Variants in EYA4 observed in about 807,000 individuals in gnomAD.
EYA4 encodes EYA transcriptional coactivator and phosphatase 4, also known as protein phosphatase EYA4.
Under a neutral mutation model 87.9 loss-of-function variants are expected in EYA4, and 31 were observed. The observed-to-expected ratio is 0.35, with a 90% CI of 0.27 to 0.48. EYA4 has a LOEUF of 0.48. Among genes scored for constraint, EYA4 ranks in the 20% least tolerant of loss-of-function variants. The pLI is 0.99. For missense variants in EYA4, 678 were observed against 761.4 expected (o/e 0.89, Z 1.29); for synonymous variants, 263 against 270.6 (o/e 0.97, Z 0.28).
At chr6:133,525,503 T>C (rs1583568910) in intron 19 of EYA4, among the ~76,000 whole-genome samples, 2 of 152,250 alleles carry the variant, frequency 1.3e-5, no homozygotes, top group African/African-American at 4.8e-5. Context: ...AGTATATACA[T>C]ATAGTAAATA....
intron 14 of EYA4, among the ~76,000 whole-genome samples, chr6:133,512,398 G>A (rs1247557146): frequency 3.9e-5 from 6 of 152,100 alleles, no homozygotes; most frequent in Non-Finnish European, 5.9e-5. Flanking sequence ...TGGCCTGGAA[G>A]GGAACTCAAA....
chr6:133,520,420 A>G lies in EYA4; in HGVS notation c.1617-2636A>G, dbSNP rs370021355. ...AGAGAATAAAATACCTAGGAATCCA[A>G]CTTACAAGGGATGTGAAGGACCTCT... On this transcript the variant is annotated intron_variant, in intron 17 of 19. Transcript: ENST00000355286. 9.5e-5 allele frequency among the ~76,000 whole-genome samples: 11 copies of G among 115,688 alleles called. No homozygotes were observed. The East Asian group carries it at 2.6e-3, about 27-fold the overall frequency. The allele number at this position is 115,688 out of a possible 152,430, so 75.9% of individuals were successfully genotyped here.
chr6:133,411,615 G>A (rs937081008), intron 3 of EYA4, among the ~76,000 whole-genome samples: 1 of 151,758 alleles, frequency 6.6e-6, no homozygotes, highest in Non-Finnish European at 1.5e-5. Flanking sequence ...TAAAATGTAT[G>A]ACTCAGTCTA....
chr6:133,378,151 TA>T (rs777194386), intron 2 of EYA4, among the ~76,000 whole-genome samples: 39 of 152,068 alleles, frequency 2.6e-4, no homozygotes, highest in Non-Finnish European at 4.4e-4. Context: ...AGTGAGATTT[TA>T]AAAAGAAAGG....
chr6:133,496,132 T>C (rs1243023552), intron 13 of EYA4, among the ~76,000 whole-genome samples: 1 of 152,156 alleles, frequency 6.6e-6, no homozygotes, highest in Non-Finnish European at 1.5e-5. Context: ...ATTCTGATGA[T>C]TAGTTAAGTC....
intron 13 of EYA4, among the ~76,000 whole-genome samples, chr6:133,486,805 G>A (rs143447331): frequency 2.1e-4 from 32 of 152,276 alleles, no homozygotes; most frequent in African/African-American, 7.7e-4. Context: ...ATAGTACAAG[G>A]TAAAGGGAAG....
intron 3 of EYA4, among the ~76,000 whole-genome samples, chr6:133,396,047 C>G (rs1787765914): frequency 6.6e-6 from 1 of 152,100 alleles, no homozygotes; most frequent in Non-Finnish European, 1.5e-5. Flanking sequence ...TCTTTCCTAT[C>G]TTAGGATGAC....
rs150806047 is a variant in EYA4 at position 133,356,791 on chromosome 6, GTA to G, written c.34-25591_34-25590del. Among the ~76,000 whole-genome samples, 120 of 112,940 alleles carry G rather than the reference GTA, an allele frequency of 1.1e-3. 1 individual carries two copies. Among genetic ancestry groups the G allele is most frequent in the South Asian group, 4.8e-3 (17 of 3,538 alleles). The allele number at this position is 112,940 out of a possible 152,430, so 74.1% of individuals were successfully genotyped here. On this transcript the variant is annotated intron_variant, in intron 2 of 19. Transcript: ENST00000355286. ...TGTGTGTGTGTGTGTGTGTGTGTGTGTATATATATATTTTATTTTTATTTTTT... is the reference window on the plus strand; with the variant it reads ...TGTGTGTGTGTGTGTGTGTGTGTGTGTATATATATTTTATTTTTATTTTTT...
At chr6:133,419,497 A>G (rs1790037711) in intron 3 of EYA4, among the ~76,000 whole-genome samples, 1 of 152,196 alleles carries the variant, frequency 6.6e-6, no homozygotes, top group Admixed American at 6.5e-5. Context: ...AATGGATTCT[A>G]TCATATAAAA....
At chr6:133,344,825 G>A (rs1783072958) in intron 2 of EYA4, among the ~76,000 whole-genome samples, 1 of 151,848 alleles carries the variant, frequency 6.6e-6, no homozygotes, top group South Asian at 2.1e-4. Context: ...ATCTTCAGTT[G>A]TTTATAACAA....
chr6:133,269,049 A>T (rs1182345260), intron 1 of EYA4, among the ~76,000 whole-genome samples: 1 of 152,190 alleles, frequency 6.6e-6, no homozygotes, highest in Non-Finnish European at 1.5e-5. Context: ...ACCTGAGGCC[A>T]GGGGTTCGAG....
intron 2 of EYA4, among the ~76,000 whole-genome samples, chr6:133,371,524 A>G (rs1269193677): frequency 1.3e-5 from 2 of 152,346 alleles, no homozygotes; most frequent in East Asian, 1.9e-4. Context: ...AGCAAATACC[A>G]GTAACCATAT....
chr6:133,524,920 C>A, intron 18 of EYA4: 1 of 1,031,930 alleles, frequency 9.7e-7, no homozygotes, highest in Non-Finnish European at 1.5e-6. Flanking sequence ...TGAGCCAGTT[C>A]AAGTGATGTT....
chr6:133,506,390 T>C, intron 14 of EYA4, 195 bp downstream of exon 14: 2 of 495,858 alleles, frequency 4.0e-6, no homozygotes, highest in South Asian at 2.3e-5. Flanking sequence ...ATAATACATA[T>C]GTAGAACAAA....
chr6:133,274,894 G>A, intron 2 of EYA4, 81 bp downstream of exon 2: 6 of 1,057,882 alleles, frequency 5.7e-6, no homozygotes, highest in Middle Eastern at 2.1e-4. Flanking sequence ...TATATTGTAA[G>A]AAGTAAGTTT....
intron 5 of EYA4, among the ~76,000 whole-genome samples, chr6:133,450,799 C>G (rs1156240531): frequency 6.6e-6 from 1 of 152,250 alleles, no homozygotes; most frequent in Non-Finnish European, 1.5e-5. Flanking sequence ...GCGTGGGCCA[C>G]TACACCCAGC....
chr6:133,302,126 A>G (rs1359321565), intron 2 of EYA4, among the ~76,000 whole-genome samples: 1 of 152,220 alleles, frequency 6.6e-6, no homozygotes, highest in Non-Finnish European at 1.5e-5. Flanking sequence ...TGCCTAGTGA[A>G]GGAGTTCTGG....
chr6:133,335,813 T>C (rs1401356375), intron 2 of EYA4, among the ~76,000 whole-genome samples: 2 of 152,100 alleles, frequency 1.3e-5, no homozygotes, highest in Non-Finnish European at 2.9e-5. Flanking sequence ...ATCAAGCACT[T>C]GTAGGCCACA....
At chr6:133,292,149 G>A (rs1474764846) in intron 2 of EYA4, among the ~76,000 whole-genome samples, 1 of 152,140 alleles carries the variant, frequency 6.6e-6, no homozygotes, top group South Asian at 2.1e-4. Flanking sequence ...CATTTATATG[G>A]AACTTACTGT....
Sources: allele counts gnomAD v4.1 joint callset (sites outside exome capture counted in the v4.1 genomes callset), GRCh38; gene constraint gnomAD v4.1.1; transcripts MANE v1.5; gene names NCBI Gene and HGNC (gene_info 2026-07-23, HGNC 2026-07-21).